Variants in SLC6A9 observed in about 807,000 individuals in gnomAD.
SLC6A9 encodes solute carrier family 6 member 9.
SLC6A9 carries 31 observed loss-of-function variants against 70.9 expected under a neutral mutation model. That is an observed-to-expected ratio of 0.44 (90% CI 0.33 to 0.59). The LOEUF (loss-of-function observed/expected upper bound fraction) is 0.59, where lower values mean the gene tolerates loss of function less well. Ranked by LOEUF, SLC6A9 falls within the 20% of genes least tolerant of loss-of-function variation. SLC6A9 has a pLI of 0.04. For missense variants in SLC6A9, 631 were observed against 845.2 expected, an observed-to-expected ratio of 0.75 and a Z score of 3.14; for synonymous variants, 310 against 341.3, an observed-to-expected ratio of 0.91 and a Z score of 1.01.
At position 44,002,616 on chromosome 1, in the gene SLC6A9, C is replaced by T. The variant is rs200759556; in HGVS notation, c.754G>A (p.Val252Met). 1.1e-5 allele frequency: 18 copies of T among 1,614,038 alleles called. No homozygotes were observed. The Admixed American group carries it at 1.5e-4, about 13-fold the overall frequency. Residue 252 changes from valine to methionine, a missense_variant, in exon 7 of 14, where the codon GTG (valine) becomes ATG (methionine). Physicochemically the swap from Val to Met is conservative, Grantham distance 21. Coordinates refer to ENST00000372310, the MANE Select transcript of SLC6A9 (RefSeq NM_001024845.3). The surrounding 1 kb of genome is among the most constrained non-coding windows in gnomAD (Gnocchi z 5.5). The part of the protein sequence containing the change: ...VVYFTATFPY[V>M]VLTILFVRGV... ...CGGACAAACAGAATGGTCAGCACCA[C>T]GTAGGGGAACGTGGCCGTGAAGTAC...
At chr1:44,010,222 T>TCC in intron 3 of SLC6A9, 126 bp from the exon 4 acceptor site, 1 of 1,004,908 alleles carries the variant, frequency 1.0e-6, no homozygotes, top group Non-Finnish European at 1.5e-6. Flanking sequence ...TGTGCCAGGC[T>TCC]TGAGCAGGAG....
chr1:44,015,172 G>T (rs1186187180), intron 2 of SLC6A9, among the ~76,000 whole-genome samples: 3 of 152,204 alleles, frequency 2.0e-5, no homozygotes, highest in Non-Finnish European at 4.4e-5. Flanking sequence ...AAGAGGAAAT[G>T]CAGCAACAAA....
At chr1:43,999,279 C>G (rs1445206514) in intron 12 of SLC6A9, among the ~76,000 whole-genome samples, 1 of 151,418 alleles carries the variant, frequency 6.6e-6, no homozygotes, top group Non-Finnish European at 1.5e-5. Flanking sequence ...TGGAGTTACC[C>G]CAAGGAGAGG....
At chr1:44,030,633 C>A (rs1005641220) in intron 1 of SLC6A9, 1 of 152,418 alleles carries the variant, frequency 6.6e-6, no homozygotes, top group Non-Finnish European at 1.5e-5. Flanking sequence ...GGCTCGCTCG[C>A]AGTCCCTTCC....
At chr1:44,024,581 G>A (rs959761310) in intron 1 of SLC6A9, among the ~76,000 whole-genome samples, 4 of 152,196 alleles carry the variant, frequency 2.6e-5, no homozygotes, top group African/African-American at 9.7e-5. Flanking sequence ...CTGTCCCAAT[G>A]GGCAAAGGTC....
chr1:44,024,621 A>G (rs2086948657), intron 1 of SLC6A9, among the ~76,000 whole-genome samples: 1 of 152,266 alleles, frequency 6.6e-6, no homozygotes, highest in African/African-American at 2.4e-5. Context: ...GCCCAATCCT[A>G]TAAAAGATAA....
In SLC6A9 at chr1:44,002,384, G is replaced by A; in HGVS notation, c.891C>T (p.Tyr297=). ...VWGDAASQIF[Y]SLGCAWGGLI... ...GGCCTCCCCACGCGCAGCCCAGTGA[G>A]TAGAAGATCTGGGAGGCAGCATCAC... Residue 297 remains tyrosine (Y), a synonymous_variant, in exon 8 of 14, where the codon TAC becomes TAT. Transcript: ENST00000372310. The surrounding 1 kb of genome is among the most constrained non-coding windows in gnomAD (Gnocchi z 5.5). The A allele has an allele frequency of 6.2e-7, 1 of 1,614,156 alleles. No individual in the cohort carries two copies. The highest frequency in any genetic ancestry group is 1.1e-5 in the South Asian group (1 of 91,088).
intron 1 of SLC6A9, among the ~76,000 whole-genome samples, chr1:44,024,652 A>T (rs2086949049): frequency 6.6e-6 from 1 of 152,236 alleles, no homozygotes; most frequent in Non-Finnish European, 1.5e-5. Context: ...CCAAACTGGG[A>T]TGGAGTCCAA....
intron 2 of SLC6A9, among the ~76,000 whole-genome samples, chr1:44,020,134 C>T (rs747635026): frequency 6.6e-6 from 1 of 152,202 alleles, no homozygotes; most frequent in Admixed American, 6.5e-5. Flanking sequence ...CTGTACTAGG[C>T]CTTATCTAAG....
rs2085898253 is a variant in SLC6A9 at position 43,997,306 on chromosome 1, A to ACCTCCCAGCAACCCTCCACTCCCACC, written c.*213_*238dup. 5.5e-6 allele frequency: 3 copies of ACCTCCCAGCAACCCTCCACTCCCACC among 545,204 alleles called. No individual in the cohort carries two copies. Among genetic ancestry groups the ACCTCCCAGCAACCCTCCACTCCCACC allele is most frequent in the Admixed American group, 6.8e-5 (2 of 29,570 alleles). 33.8% of individuals were successfully genotyped at this position (545,204 alleles called of 1,614,324 possible). A position where few individuals can be genotyped will look rare whatever the true frequency, so the allele number is the denominator to read the frequency against. On this transcript the variant is annotated 3_prime_UTR_variant, in exon 14 of 14. Transcript: ENST00000372310. The surrounding 1 kb of genome is among the most constrained non-coding windows in gnomAD (Gnocchi z 4.4). ...CCGAGACCCCTCCAAAGTGCTTTGG[A>ACCTCCCAGCAACCCTCCACTCCCACC]CCTCCCAGCAACCCTCCACTCCCAC...
At chr1:44,009,837 G>T in intron 4 of SLC6A9, 128 bp downstream of exon 4, 1 of 1,131,050 alleles carries the variant, frequency 8.8e-7, no homozygotes, top group Non-Finnish European at 1.3e-6. Flanking sequence ...CGTTGATGTG[G>T]GGCTTGGGGT....
intron 2 of SLC6A9, among the ~76,000 whole-genome samples, chr1:44,023,261 G>T (rs1271887751): frequency 1.3e-5 from 2 of 152,156 alleles, no homozygotes; most frequent in Non-Finnish European, 2.9e-5. Flanking sequence ...GACAACCATT[G>T]CCTCTGGGAC....
chr1:44,010,966 C>T (rs965621497), intron 2 of SLC6A9, 84 bp from the exon 3 acceptor site: 13 of 1,459,584 alleles, frequency 8.9e-6, no homozygotes, highest in African/African-American at 4.2e-5. Context: ...GCAGGGAAAC[C>T]GTGGCCCCTC....
rs7543906 is a variant in SLC6A9, at chr1:44,011,394, C to G, written c.31-512G>C. Reference sequence around the variant, plus strand: ...GGGAGGGGAGGTTAGACCCCTCCCCCAGCTGAAGGCTTCTTCCTGGGGGCA... The same window carrying G: ...GGGAGGGGAGGTTAGACCCCTCCCCGAGCTGAAGGCTTCTTCCTGGGGGCA... On this transcript the variant is annotated intron_variant, in intron 2 of 13. Coordinates refer to ENST00000372310, the MANE Select transcript of SLC6A9 (RefSeq NM_001024845.3). 3.3e-3 allele frequency among the ~76,000 whole-genome samples: 509 copies of G among 152,224 alleles called. 5 individuals carry two copies. The highest frequency in any genetic ancestry group is 0.011 in the African/African-American group (469 of 41,550).
intron 12 of SLC6A9, 59 bp downstream of exon 12, chr1:44,000,708 G>A (rs118038015): frequency 1.7e-6 from 2 of 1,146,932 alleles, no homozygotes; most frequent in South Asian, 2.8e-5. Context: ...TGGGTCCCAA[G>A]AGATGGACAC....
At chr1:43,998,602 T>A (rs1243094756) in intron 12 of SLC6A9, among the ~76,000 whole-genome samples, 1 of 152,186 alleles carries the variant, frequency 6.6e-6, no homozygotes, top group African/African-American at 2.4e-5. Context: ...CTGCTTCCCT[T>A]AGAGTGACTT....
intron 1 of SLC6A9, 38 bp from the exon 2 acceptor site, chr1:44,024,400 G>C: frequency 7.9e-7 from 1 of 1,272,824 alleles, no homozygotes; most frequent in Non-Finnish European, 1.1e-6. Flanking sequence ...GGACTTGGCC[G>C]TGTGGCCCAC....
intron 1 of SLC6A9, among the ~76,000 whole-genome samples, chr1:44,026,244 CT>C (rs1452987810): frequency 1.1e-4 from 16 of 152,242 alleles, no homozygotes; most frequent in African/African-American, 3.4e-4. Flanking sequence ...CTTGTCCTCT[CT>C]CACCCCTGTG....
chr1:44,030,439 C>T (rs2087085250), intron 1 of SLC6A9: 1 of 152,270 alleles, frequency 6.6e-6, no homozygotes, highest in African/African-American at 2.4e-5. Context: ...CCGGCCCCGC[C>T]GCCTGCTCGA....
Sources: allele counts gnomAD v4.1 joint callset (sites outside exome capture counted in the v4.1 genomes callset), GRCh38; gene constraint gnomAD v4.1.1; non-coding constraint Gnocchi (gnomAD v3.1); transcripts MANE v1.5; gene names NCBI Gene and HGNC (gene_info 2026-07-23, HGNC 2026-07-21).